SLC14A2: variants seen among roughly 807,000 people sequenced by gnomAD.
SLC14A2 encodes urea transporter 2.
Under a neutral mutation model 104.6 loss-of-function variants are expected in SLC14A2, and 91 were observed. That is an observed-to-expected ratio of 0.87 (90% CI 0.73 to 1.04). The LOEUF (loss-of-function observed/expected upper bound fraction) is 1.04, where lower values mean the gene tolerates loss of function less well. Ranked by LOEUF, SLC14A2 falls within the 50% of genes least tolerant of loss-of-function variation. SLC14A2 has a pLI of 0.00. For missense variants in SLC14A2, 1,189 were observed against 1,156.0 expected (o/e 1.03, Z -0.41); for synonymous variants, 476 against 466.4 (o/e 1.02, Z -0.27).
intron 18 of SLC14A2, among the ~76,000 whole-genome samples, chr18:45,678,058 A>T (rs2046255490): frequency 1.3e-5 from 2 of 152,054 alleles, no homozygotes; most frequent in South Asian, 4.2e-4. Flanking sequence ...GGCTCAAGTG[A>T]TCCTCCCATC....
the SLC14A2 span, among the ~76,000 whole-genome samples, chr18:45,189,313 A>G: frequency 6.6e-6 from 1 of 152,176 alleles, no homozygotes; most frequent in African/African-American, 2.4e-5. Flanking sequence ...TTTCAGTTAA[A>G]TGGGGGTAAC....
chr18:45,494,306 C>G (rs759445827), intron 2 of SLC14A2, among the ~76,000 whole-genome samples: 2 of 152,224 alleles, frequency 1.3e-5, no homozygotes, highest in Non-Finnish European at 2.9e-5. Flanking sequence ...TTCATCATGT[C>G]CATAGTCACT....
At chr18:45,371,820 A>T (rs2144355420) in intron 1 of SLC14A2, among the ~76,000 whole-genome samples, 1 of 152,354 alleles carries the variant, frequency 6.6e-6, no homozygotes, top group Non-Finnish European at 1.5e-5. Flanking sequence ...TCCAAATACT[A>T]AACTTTCTAC....
At chr18:45,321,566 A>T (rs1332479941) in intron 1 of SLC14A2, among the ~76,000 whole-genome samples, 1 of 152,062 alleles carries the variant, frequency 6.6e-6, no homozygotes, top group Admixed American at 6.6e-5. Flanking sequence ...GGGGTGAGGG[A>T]AGAAAGCGGA....
intron 1 of SLC14A2, among the ~76,000 whole-genome samples, chr18:45,361,823 A>G (rs929190955): frequency 1.3e-5 from 2 of 152,162 alleles, no homozygotes; most frequent in African/African-American, 2.4e-5. Context: ...AAATCTTGAA[A>G]ACCACTGGGT....
chr18:45,596,992 T>A (rs939830687), intron 2 of SLC14A2, among the ~76,000 whole-genome samples: 1 of 152,208 alleles, frequency 6.6e-6, no homozygotes, highest in African/African-American at 2.4e-5. Context: ...TTGGGCCATC[T>A]ATTAACCAAT....
intron 1 of SLC14A2, among the ~76,000 whole-genome samples, chr18:45,345,855 A>T (rs990265754): frequency 6.6e-6 from 1 of 152,230 alleles, no homozygotes; most frequent in Non-Finnish European, 1.5e-5. Context: ...TGAATATAGA[A>T]AATGTGCATA....
chr18:45,683,107 AGG>A lies in SLC14A2; in HGVS notation c.*591_*592del. 1 of 148,408 alleles carries A rather than the reference AGG, an allele frequency of 6.7e-6. No homozygotes were observed. Among genetic ancestry groups the A allele is most frequent in the Non-Finnish European group, 1.5e-5 (1 of 67,376 alleles). 9.2% of individuals were successfully genotyped at this position (148,408 alleles called of 1,614,324 possible). ...AGACTCTGTCTCAAAAAAAAAAAAA[AGG>A]GGAAGTCACCAAGAAAGGGATAGAG... is the stretch of plus-strand genomic sequence containing the variant. On this transcript the variant is annotated 3_prime_UTR_variant, in exon 20 of 20. Transcript: ENST00000255226.
At chr18:45,370,013 GT>G (rs1395278321) in intron 1 of SLC14A2, among the ~76,000 whole-genome samples, 2 of 152,192 alleles carry the variant, frequency 1.3e-5, no homozygotes, top group Non-Finnish European at 2.9e-5. Flanking sequence ...AGCCAGAGCT[GT>G]TGAGGCTCTA....
At chr18:45,437,961 C>T (rs907718715) in intron 1 of SLC14A2, among the ~76,000 whole-genome samples, 3 of 152,092 alleles carry the variant, frequency 2.0e-5, no homozygotes, top group Non-Finnish European at 4.4e-5. Flanking sequence ...ATATACTTAC[C>T]CCCTTGACTT....
chr18:45,639,825 C>G lies in SLC14A2; in HGVS notation c.923C>G (p.Ala308Gly). The change falls in exon 7 of 20, where the codon GCT (alanine) becomes GGT (glycine). Residue 308 changes from alanine (A) to glycine (G), a missense_variant. Coordinates refer to ENST00000255226, the MANE Select transcript of SLC14A2 (RefSeq NM_007163.4). ...TGGACAGGCGGCGTGTTCCTGGTGG[C>G]TCTGTTCATCTCCTCGCCACTCATC... ...NPWTGGVFLV[A>G]LFISSPLICL... 6.2e-7 allele frequency: 1 copy of G among 1,613,940 alleles called. No individual in the cohort carries two copies. The highest frequency in any genetic ancestry group is 8.5e-7 in the Non-Finnish European group (1 of 1,179,984).
intron 1 of SLC14A2, among the ~76,000 whole-genome samples, chr18:45,241,940 G>A (rs74687807): frequency 0.046 from 7,037 of 152,110 alleles, 214 homozygotes; most frequent in Non-Finnish European, 0.062. Flanking sequence ...ACAGTGCCCG[G>A]CAACTTACCT....
intron 1 of SLC14A2, among the ~76,000 whole-genome samples, chr18:45,272,813 C>A (rs2084664351): frequency 6.6e-6 from 1 of 152,050 alleles, no homozygotes; most frequent in Non-Finnish European, 1.5e-5. Flanking sequence ...ATACCCCATT[C>A]TCCTTGTTGT....
At chr18:45,240,862 G>A (rs905842254) in intron 1 of SLC14A2, among the ~76,000 whole-genome samples, 38 of 152,084 alleles carry the variant, frequency 2.5e-4, no homozygotes, top group African/African-American at 8.7e-4. Context: ...GTTTCACCAC[G>A]TTGTCCAGGC....
intron 2 of SLC14A2, chr18:45,483,451 T>C (rs2087535774): frequency 6.6e-6 from 1 of 152,210 alleles, no homozygotes; most frequent in South Asian, 2.1e-4. Flanking sequence ...GGAGCTGTGA[T>C]GAGAGGTGAG....
At chr18:45,399,719 GCTGCCACCCACACA>G (rs1252681132) in intron 1 of SLC14A2, among the ~76,000 whole-genome samples, 2 of 151,850 alleles carry the variant, frequency 1.3e-5, no homozygotes, top group Non-Finnish European at 2.9e-5. Flanking sequence ...TCTTCTATTT[GCTGCCACCCACACA>G]CTGCCAACCA....
intron 2 of SLC14A2, among the ~76,000 whole-genome samples, chr18:45,531,441 T>A (rs537606583): frequency 6.6e-6 from 1 of 152,382 alleles, no homozygotes; most frequent in South Asian, 2.1e-4. Flanking sequence ...TGCATTTCTC[T>A]GATGGCCAGT....
At chr18:45,539,825 G>T (rs748759488) in intron 2 of SLC14A2, among the ~76,000 whole-genome samples, 1 of 151,122 alleles carries the variant, frequency 6.6e-6, no homozygotes, top group Admixed American at 6.6e-5. Context: ...ACATGAAATG[G>T]GCCCTTCAGT....
chr18:45,352,984 G>A (rs918259880), intron 1 of SLC14A2, among the ~76,000 whole-genome samples: 6 of 152,192 alleles, frequency 3.9e-5, no homozygotes, highest in East Asian at 1.9e-4. Context: ...TCAAAAGTGA[G>A]GTACAGAAAC....
Sources: gnomAD v4.1 joint callset for allele counts (sites outside exome capture counted in the v4.1 genomes callset) on GRCh38, gnomAD v4.1.1 for gene constraint, MANE v1.5 for transcripts, NCBI Gene and HGNC (gene_info 2026-07-23, HGNC 2026-07-21) for gene names.